The following FADS1 variants were observed in gnomAD, a reference collection of about 807,000 sequenced individuals.
FADS1 encodes fatty acid desaturase 1.
In FADS1, 17 loss-of-function variants were observed where a neutral mutation model predicts 61.6. That is an observed-to-expected ratio of 0.28 (90% CI 0.19 to 0.41). FADS1 has a LOEUF of 0.41. FADS1 is among the 10% of genes least tolerant of loss of function. FADS1 has a pLI of 1.00. For synonymous variants in FADS1, 238 were observed against 258.7 expected (o/e 0.92, Z 0.77); for missense variants, 387 against 650.9 (o/e 0.59, Z 4.41).
At position 61,802,336 on chromosome 11, in the gene FADS1, T is replaced by A. The variant is rs2135933540; in HGVS notation, c.*75A>T. 1.6e-6 allele frequency: 2 copies of A among 1,290,210 alleles called. No homozygotes were observed. The highest frequency in any genetic ancestry group is 1.3e-5 in the South Asian group (1 of 78,750). The allele number at this position is 1,290,210 out of a possible 1,614,324, so 79.9% of individuals were successfully genotyped here. Reference sequence around the variant, plus strand: ...TCTGAGTATTAAACTATAGTGGCATTGTCCCTCAAGCTCCCCTCTGCCTTG... The same window carrying A: ...TCTGAGTATTAAACTATAGTGGCATAGTCCCTCAAGCTCCCCTCTGCCTTG... On this transcript the variant is annotated 3_prime_UTR_variant, in exon 12 of 12. Coordinates refer to ENST00000350997, the MANE Select transcript of FADS1 (RefSeq NM_013402.7). This position sits in a 1 kb window ranked among gnomAD's most constrained non-coding sequence, Gnocchi z 4.2.
Position 61,816,923 on chromosome 11 carries a change from T to C in FADS1, c.7A>G (p.Thr3Ala). ...AGACCGGCGGGCCTCGCAGCGCGCG[T>C]TCCCATTGGCCGAGCCTCGTGGCGC... MG[T>A]RAARPAGLPC... The change falls in exon 1 of 12, where the codon ACG becomes GCG. Residue 3 changes from threonine (T) to alanine (A), a missense_variant. By Grantham distance (58) the Thr-to-Ala change is moderately conservative (BLOSUM62 0). Transcript: ENST00000350997. This position sits in a 1 kb window ranked among gnomAD's most constrained non-coding sequence, Gnocchi z 7.0. 2.1e-6 allele frequency: 3 copies of C among 1,397,474 alleles called. No homozygotes were observed. The highest frequency in any genetic ancestry group is 2.8e-6 in the Non-Finnish European group (3 of 1,086,288). The allele number at this position is 1,397,474 out of a possible 1,614,324, so 86.6% of individuals were successfully genotyped here.
intron 5 of FADS1, among the ~76,000 whole-genome samples, chr11:61,808,281 A>G (rs902458779): frequency 6.6e-6 from 1 of 151,572 alleles, no homozygotes; most frequent in African/African-American, 2.4e-5. Context: ...GGTTGTAGTG[A>G]GCTGAGACCG....
chr11:61,803,239 G>T lies in FADS1; in HGVS notation c.1248+124C>A. On this transcript the variant is annotated intron_variant, in intron 9 of 11. Transcript: ENST00000350997. The surrounding 1 kb of genome is among the most constrained non-coding windows in gnomAD (Gnocchi z 4.3). ...TGGTCACTCCCTTCACATGGTTGCAGAACAAGAGCCTCAGGCTAATGAGAA... is the reference window on the plus strand; with the variant it reads ...TGGTCACTCCCTTCACATGGTTGCATAACAAGAGCCTCAGGCTAATGAGAA... 8.0e-7 allele frequency: 1 copy of T among 1,242,794 alleles called. No individual in the cohort carries two copies. Among genetic ancestry groups the T allele is most frequent in the Non-Finnish European group, 1.2e-6 (1 of 846,002 alleles). 77.0% of individuals were successfully genotyped at this position (1,242,794 alleles called of 1,614,324 possible).
At position 61,810,746 on chromosome 11, in the gene FADS1, C is replaced by T. The variant is rs748648953; in HGVS notation, c.915+5G>A. 5 of 1,613,940 alleles carry T rather than the reference C, an allele frequency of 3.1e-6. No homozygotes were observed. The highest frequency in any genetic ancestry group is 1.3e-5 in the African/African-American group (1 of 74,880). On this transcript the variant is annotated splice_donor_5th_base_variant and intron_variant, in intron 5 of 11. Coordinates refer to ENST00000350997, the MANE Select transcript of FADS1 (RefSeq NM_013402.7). ...CAAGACCTTTCCACTGATACCTCCA[C>T]GCACCTCCACAGAGAGGATCTTCCC...
At chr11:61,813,396 C>T (rs754979909) in intron 1 of FADS1, 43 bp from the exon 2 acceptor site, 1 of 1,199,648 alleles carries the variant, frequency 8.3e-7, no homozygotes, top group East Asian at 2.4e-5. Context: ...GAGCCAGCCC[C>T]CTGGACTCCG....
At position 61,810,705 on chromosome 11, in the gene FADS1, G is replaced by A. The variant is rs200077185; in HGVS notation, c.915+46C>T. 18 of 1,610,124 alleles carry A rather than the reference G, an allele frequency of 1.1e-5. No homozygotes were observed. The African/African-American group carries it at 1.6e-4, about 14-fold the overall frequency. On this transcript the variant is annotated intron_variant, in intron 5 of 11. Transcript: ENST00000350997. ...CATCTTCCCCAACTCCCCTATGTTG[G>A]CTGCCTCCTATTCCCCAAGACCTTT...
At chr11:61,813,385 G>A (rs920038430) in intron 1 of FADS1, 32 bp from the exon 2 acceptor site, 5 of 1,346,706 alleles carry the variant, frequency 3.7e-6, no homozygotes, top group African/African-American at 2.9e-5. Flanking sequence ...GAAAGGTGAG[G>A]GAGCCAGCCC....
chr11:61,807,046 C>G (rs919479620), intron 5 of FADS1, among the ~76,000 whole-genome samples: 19 of 152,156 alleles, frequency 1.2e-4, no homozygotes, highest in Admixed American at 5.2e-4. Context: ...CCCCACTGCC[C>G]TCTCCCCTTT....
At chr11:61,809,445 G>A (rs1248598030) in intron 5 of FADS1, among the ~76,000 whole-genome samples, 2 of 152,150 alleles carry the variant, frequency 1.3e-5, no homozygotes, top group Non-Finnish European at 2.9e-5. Context: ...GGGCTCAAGC[G>A]ATGCTCCCAC....
In FADS1 at chr11:61,816,234, G is replaced by A; in HGVS notation, c.375+321C>T. The A allele has an allele frequency of 6.3e-7, 1 of 1,594,644 alleles. No homozygotes were observed. The highest frequency in any genetic ancestry group is 8.5e-7 in the Non-Finnish European group (1 of 1,177,542). Reference sequence around the variant, plus strand: ...GCTCTCCTCCCTCCTAGCCTACCCAGCTCGGGGTTCTGTCCCCGCCCAGAG... The same window carrying A: ...GCTCTCCTCCCTCCTAGCCTACCCAACTCGGGGTTCTGTCCCCGCCCAGAG... On this transcript the variant is annotated intron_variant, in intron 1 of 11. Transcript: ENST00000350997. This position sits in a 1 kb window ranked among gnomAD's most constrained non-coding sequence, Gnocchi z 7.0.
At chr11:61,810,289 A>G (rs1426333963) in intron 5 of FADS1, among the ~76,000 whole-genome samples, 1 of 152,198 alleles carries the variant, frequency 6.6e-6, no homozygotes. Flanking sequence ...TGTTCCAGAT[A>G]TTGGACATGA....
In FADS1 at chr11:61,802,724, C is replaced by T; in HGVS notation, c.1454+77G>A. 3.1e-6 allele frequency: 5 copies of T among 1,591,176 alleles called. No homozygotes were observed. Among genetic ancestry groups the T allele is most frequent in the Non-Finnish European group, 4.3e-6 (5 of 1,162,920 alleles). On this transcript the variant is annotated intron_variant, in intron 11 of 11. Transcript: ENST00000350997. This position sits in a 1 kb window ranked among gnomAD's most constrained non-coding sequence, Gnocchi z 4.2. ...CTGGGAACACCTTCTGTTCACTCCC[C>T]ACCCTACATGTCATCATTTCCATTG...
chr11:61,807,739 GTC>G lies in FADS1; in HGVS notation c.916-1017_916-1016del, dbSNP rs150422990. ...TTCTGCTGTCTCACTCCATGACTAT[GTC>G]TGCATCGCACTCCAATTAGTTCAGG... On this transcript the variant is annotated intron_variant, in intron 5 of 11. Coordinates refer to ENST00000350997, the MANE Select transcript of FADS1 (RefSeq NM_013402.7). 4.7e-3 allele frequency among the ~76,000 whole-genome samples: 711 copies of G among 152,296 alleles called. 9 individuals carry two copies. Among genetic ancestry groups the G allele is most frequent in the African/African-American group, 0.016 (657 of 41,556 alleles).
rs745563292 is a variant in FADS1, at chr11:61,816,427, G to A, written c.375+128C>T. 1.9e-6 allele frequency: 3 copies of A among 1,598,768 alleles called. No homozygotes were observed. Among genetic ancestry groups the A allele is most frequent in the Non-Finnish European group, 2.5e-6 (3 of 1,179,804 alleles). ...AGGACACCCAATCACCGGGCAACAG[G>A]TATGATCAGGCGCCTCCGGGCTTTC... On this transcript the variant is annotated intron_variant, in intron 1 of 11. Coordinates refer to ENST00000350997, the MANE Select transcript of FADS1 (RefSeq NM_013402.7). This position sits in a 1 kb window ranked among gnomAD's most constrained non-coding sequence, Gnocchi z 7.0.
chr11:61,803,115 G>A lies in FADS1; in HGVS notation c.1249-4C>T, dbSNP rs1175549821. On this transcript the variant is annotated splice_region_variant and splice_polypyrimidine_tract_variant and intron_variant, in intron 9 of 11. Coordinates refer to ENST00000350997, the MANE Select transcript of FADS1 (RefSeq NM_013402.7). The surrounding 1 kb of genome is among the most constrained non-coding windows in gnomAD (Gnocchi z 4.3). ...GGACATTGCATGTGGCCTGGAGCTG[G>A]CGGAAAAGGTCAGGGGAGAGCATGT... is the stretch of plus-strand genomic sequence containing the variant. 2 of 1,613,936 alleles carry A rather than the reference G, an allele frequency of 1.2e-6. No homozygotes were observed. Among genetic ancestry groups the A allele is most frequent in the African/African-American group, 2.7e-5 (2 of 74,900 alleles).
In FADS1 at chr11:61,812,539, T is replaced by C; in HGVS notation, c.616A>G (p.Thr206Ala). ...ILLLDGAAWL[T>A]LWVFGTSFLP... ...AAGGACGTCCCAAAGACCCAAAGGGTGAGCCAGGCTGCACCATCCAGCAGC... is the reference window on the plus strand; with the variant it reads ...AAGGACGTCCCAAAGACCCAAAGGGCGAGCCAGGCTGCACCATCCAGCAGC... The change falls in exon 3 of 12, where the codon ACC becomes GCC. Residue 206 changes from threonine (T) to alanine (A), a missense_variant. This residue lies in a region of FADS1 where 257 missense variants were observed against 533.3 expected (regional missense o/e 0.48). Coordinates refer to ENST00000350997, the MANE Select transcript of FADS1 (RefSeq NM_013402.7). 1 of 1,613,886 alleles carries C rather than the reference T, an allele frequency of 6.2e-7. No individual in the cohort carries two copies. Among genetic ancestry groups the C allele is most frequent in the Non-Finnish European group, 8.5e-7 (1 of 1,179,984 alleles).
Position 61,816,600 on chromosome 11 carries a change from T to C in FADS1, c.330A>G (p.Pro110=). The change falls in exon 1 of 12, where the codon CCA becomes CCG. Residue 110 remains proline (P), a synonymous_variant. Coordinates refer to ENST00000350997, the MANE Select transcript of FADS1 (RefSeq NM_013402.7). The surrounding 1 kb of genome is among the most constrained non-coding windows in gnomAD (Gnocchi z 7.0). ...YNISEFTRRH[P]GGSRVISHYA... is the part of the protein sequence containing the mutation. ...AGTGGCTGATGACCCGGGAGCCCCCTGGATGCCGGCGGGTGAACTCGCTGA... is the reference window on the plus strand; with the variant it reads ...AGTGGCTGATGACCCGGGAGCCCCCCGGATGCCGGCGGGTGAACTCGCTGA... 3.7e-6 allele frequency: 6 copies of C among 1,610,156 alleles called. No homozygotes were observed. The highest frequency in any genetic ancestry group is 2.2e-5 in the East Asian group (1 of 44,730).
intron 6 of FADS1, chr11:61,805,606 ATAGT>A (rs1218671761): frequency 3.3e-4 from 50 of 152,126 alleles, no homozygotes; most frequent in Admixed American, 3.3e-3. Flanking sequence ...TCTATTCGTG[ATAGT>A]TGGTGATAGG....
Position 61,816,227 on chromosome 11 carries a change from C to T in FADS1, c.375+328G>A. On this transcript the variant is annotated intron_variant, in intron 1 of 11. Coordinates refer to ENST00000350997, the MANE Select transcript of FADS1 (RefSeq NM_013402.7). This position sits in a 1 kb window ranked among gnomAD's most constrained non-coding sequence, Gnocchi z 7.0. ...CATCCTTGCTCTCCTCCCTCCTAGC[C>T]TACCCAGCTCGGGGTTCTGTCCCCG... 6.3e-7 allele frequency: 1 copy of T among 1,591,218 alleles called. No individual in the cohort carries two copies. The highest frequency in any genetic ancestry group is 8.5e-7 in the Non-Finnish European group (1 of 1,175,318).
Sources: gnomAD v4.1 joint callset for allele counts (sites outside exome capture counted in the v4.1 genomes callset) on GRCh38, gnomAD v4.1.1 for gene constraint, gnomAD v4.1.1 regional missense constraint, Gnocchi (gnomAD v3.1) non-coding constraint, MANE v1.5 for transcripts, NCBI Gene and HGNC (gene_info 2026-07-23, HGNC 2026-07-21) for gene names.